The following CLUH variants were observed in gnomAD, a reference collection of about 807,000 sequenced individuals.
CLUH encodes the protein CLUH binding protein of NUMT mRNA.
A neutral mutation model predicts 139.3 loss-of-function variants in CLUH; 77 were observed. The observed-to-expected ratio is 0.55, with a 90% CI of 0.46 to 0.67. The LOEUF is 0.67. CLUH is among the 30% of genes least tolerant of loss of function. The pLI is 0.00. For missense variants in CLUH, 1,876 were observed against 1,875.8 expected (o/e 1.00, Z 0.00); for synonymous variants, 999 against 801.6 (o/e 1.25, Z -4.16).
rs773170523 is a variant in CLUH, at chr17:2,694,438, ACACAGCG to A, written c.2937+35_2937+41del. The stretch of plus-strand genomic sequence containing the variant: ...AGCCTGCAGCAGGGACGCAGCGGGG[ACACAGCG>A]GGGACACAGCGGGGATGCTGTGAGC... On this transcript the variant is annotated intron_variant, in intron 17 of 25. Coordinates refer to ENST00000651024, the MANE Select transcript of CLUH (RefSeq NM_001366661.1). 6.8e-4 allele frequency: 52 copies of A among 76,936 alleles called. No individual in the cohort carries two copies. The East Asian group carries it at 0.035, about 51-fold the overall frequency. The allele number at this position is 76,936 out of a possible 1,614,324, so 4.8% of individuals were successfully genotyped here.
At position 2,697,887 on chromosome 17, in the gene CLUH, G is replaced by T; in HGVS notation, c.1961+9C>A. On this transcript the variant is annotated intron_variant, in intron 10 of 25. Transcript: ENST00000651024. ...GCCCCGGCCCTGGTCCGGCAGGGCC[G>T]CCCCTCACCTGTGCTCCACGAAGGC... 2 of 1,472,446 alleles carry T rather than the reference G, an allele frequency of 1.4e-6. No individual in the cohort carries two copies. The highest frequency in any genetic ancestry group is 2.7e-5 in the South Asian group (2 of 73,252). 91.2% of individuals were successfully genotyped at this position (1,472,446 alleles called of 1,614,324 possible). A position where few individuals can be genotyped will look rare whatever the true frequency, so the allele number is the denominator to read the frequency against.
chr17:2,690,630 C>G lies in CLUH; in HGVS notation c.4011G>C (p.Pro1337=), dbSNP rs757507562. Residue 1337 remains proline, a synonymous_variant, in exon 26 of 26, where the codon CCG becomes CCC. Coordinates refer to ENST00000651024, the MANE Select transcript of CLUH (RefSeq NM_001366661.1). ...CGCTCGGAGAAGGGTCCTTGGCAGCCGGGGGCTGGGAGCCCAGGTCTCCTG... is the reference window on the plus strand; with the variant it reads ...CGCTCGGAGAAGGGTCCTTGGCAGCGGGGGGCTGGGAGCCCAGGTCTCCTG... ...GAPGDLGSQP[P]AAKDPSPSVQ... 6.6e-7 allele frequency: 1 copy of G among 1,506,850 alleles called. No individual in the cohort carries two copies. The highest frequency in any genetic ancestry group is 2.6e-5 in the East Asian group (1 of 38,578). The allele number at this position is 1,506,850 out of a possible 1,614,324, so 93.3% of individuals were successfully genotyped here.
At position 2,698,536 on chromosome 17, in the gene CLUH, C is replaced by G. The variant is rs1373639535; in HGVS notation, c.1321G>C (p.Gly441Arg). The G allele has an allele frequency of 6.2e-7, 1 of 1,611,782 alleles. No individual in the cohort carries two copies. The highest frequency in any genetic ancestry group is 8.5e-7 in the Non-Finnish European group (1 of 1,179,012). The change falls in exon 10 of 26, where the codon GGC becomes CGC. Residue 441 changes from glycine to arginine, a missense_variant. Transcript: ENST00000651024. ...ATRGAMAVID[G>R]NVMAINPSEE... is the part of the protein sequence containing the mutation. ...CTGGGGTTGATGGCCATCACGTTGC[C>G]GTCAATGACGGCCATGGCGCCCCTG...
rs775721496 is a variant in CLUH, at chr17:2,703,508, G to A, written c.304-19C>T. ...GGGACACCTGCAGGGAGAAGGCCCC[G>A]CCCACCCCGGTGAGAGAGCACGTAG... is the stretch of plus-strand genomic sequence containing the variant. On this transcript the variant is annotated intron_variant, in intron 2 of 25. Coordinates refer to ENST00000651024, the MANE Select transcript of CLUH (RefSeq NM_001366661.1). The surrounding 1 kb of genome is among the most constrained non-coding windows in gnomAD (Gnocchi z 4.2). 3.7e-5 allele frequency: 59 copies of A among 1,608,920 alleles called. No homozygotes were observed. The East Asian group carries it at 4.7e-4, about 13-fold the overall frequency.
chr17:2,702,606 C>A (rs900074385), intron 3 of CLUH, among the ~76,000 whole-genome samples: 2 of 152,182 alleles, frequency 1.3e-5, no homozygotes, highest in Admixed American at 6.5e-5. Flanking sequence ...TCTCAACAGG[C>A]GGACAGGCCC....
chr17:2,703,226 T>C lies in CLUH; in HGVS notation c.475+92A>G. 7.4e-7 allele frequency: 1 copy of C among 1,346,178 alleles called. No homozygotes were observed. The highest frequency in any genetic ancestry group is 1.0e-6 in the Non-Finnish European group (1 of 985,380). 83.4% of individuals were successfully genotyped at this position (1,346,178 alleles called of 1,614,324 possible). On this transcript the variant is annotated intron_variant, in intron 3 of 25. Coordinates refer to ENST00000651024, the MANE Select transcript of CLUH (RefSeq NM_001366661.1). The surrounding 1 kb of genome is among the most constrained non-coding windows in gnomAD (Gnocchi z 4.2). ...CTCCAATCCTGCCTCCATGAGCTCA[T>C]CCGTGACACAGGGACCCTGGCATGG...
In CLUH at chr17:2,707,398, A is replaced by G; in HGVS notation, c.101-2834T>C. 1 of 984,730 alleles carries G rather than the reference A, an allele frequency of 1.0e-6. No homozygotes were observed. The highest frequency in any genetic ancestry group is 1.2e-6 in the Non-Finnish European group (1 of 829,754). 61.0% of individuals were successfully genotyped at this position (984,730 alleles called of 1,614,324 possible). ...GCCATGGCAGCCCCAGGAAGGGCAC[A>G]CTCCCCCTGCCTGGCATCCCGCTCA... On this transcript the variant is annotated intron_variant, in intron 1 of 25. Transcript: ENST00000651024. This position sits in a 1 kb window ranked among gnomAD's most constrained non-coding sequence, Gnocchi z 7.4.
At position 2,692,677 on chromosome 17, in the gene CLUH, C is replaced by T. The variant is rs750299603; in HGVS notation, c.3332G>A (p.Cys1111Tyr). The change falls in exon 21 of 26, where the codon TGC (cysteine) becomes TAC (tyrosine). Residue 1111 changes from cysteine (C) to tyrosine (Y), a missense_variant. Transcript: ENST00000651024. ...IQEYMHLALY[C>Y]FASSQLSTAL... ...GGTGGACAGCTGGCTGCTGGCGAAG[C>T]AGTACAGGGCCAGGTGCATCTGCGG... The T allele has an allele frequency of 3.7e-6, 6 of 1,611,906 alleles. No homozygotes were observed. The Admixed American group carries it at 8.4e-5, about 22-fold the overall frequency.
intron 16 of CLUH, 35 bp downstream of exon 16, chr17:2,694,822 T>TTCCCCCCCCCCCC: frequency 3.7e-6 from 5 of 1,346,336 alleles, no homozygotes; most frequent in Non-Finnish European, 5.0e-6. Flanking sequence ...ATCTGCCCAA[T>TTCCCCCCCCCCCC]CCCACCCACC....
At position 2,707,950 on chromosome 17, in the gene CLUH, G is replaced by C; in HGVS notation, c.101-3386C>G. On this transcript the variant is annotated intron_variant, in intron 1 of 25. Transcript: ENST00000651024. The surrounding 1 kb of genome is among the most constrained non-coding windows in gnomAD (Gnocchi z 7.4). ...CTGCACCCGTGCCCCTGGCCTCCAG[G>C]CTCCATCAAGAAGCTGGCAGGCTCC... The C allele has an allele frequency of 1.0e-6, 1 of 985,414 alleles. No individual in the cohort carries two copies. Among genetic ancestry groups the C allele is most frequent in the Non-Finnish European group, 1.2e-6 (1 of 829,918 alleles). 61.0% of individuals were successfully genotyped at this position (985,414 alleles called of 1,614,324 possible). A position where few individuals can be genotyped will look rare whatever the true frequency, so the allele number is the denominator to read the frequency against.
chr17:2,691,114 C>T (rs1292237309), intron 25 of CLUH, among the ~76,000 whole-genome samples: 1 of 86,478 alleles, frequency 1.2e-5, no homozygotes, highest in Non-Finnish European at 2.4e-5. Context: ...CCGGGGAGCC[C>T]GGGGCCTGCT....
At position 2,695,114 on chromosome 17, in the gene CLUH, T is replaced by C; in HGVS notation, c.2608-13A>G. On this transcript the variant is annotated splice_polypyrimidine_tract_variant and intron_variant, in intron 15 of 25. Coordinates refer to ENST00000651024, the MANE Select transcript of CLUH (RefSeq NM_001366661.1). Reference sequence around the variant, plus strand: ...AGAGCTCGACTCCCTGCGAGGCAGGTTGGATCCGAGTCATGAGGGCCCTCA... The same window carrying C: ...AGAGCTCGACTCCCTGCGAGGCAGGCTGGATCCGAGTCATGAGGGCCCTCA... 6.2e-7 allele frequency: 1 copy of C among 1,612,370 alleles called. No individual in the cohort carries two copies. Among genetic ancestry groups the C allele is most frequent in the Non-Finnish European group, 8.5e-7 (1 of 1,179,032 alleles).
chr17:2,710,042 A>G (rs1271962926), intron 1 of CLUH, among the ~76,000 whole-genome samples: 1 of 148,634 alleles, frequency 6.7e-6, no homozygotes, highest in African/African-American at 2.5e-5. Flanking sequence ...TCAGCCCCCT[A>G]GTTCTCAGCA....
In CLUH at chr17:2,690,729, C is replaced by G. The variant is rs764923110; in HGVS notation, c.3912G>C (p.Gln1304His). The change falls in exon 26 of 26, where the codon CAG becomes CAC. Residue 1304 changes from glutamine to histidine, a missense_variant. Physicochemically the swap from Gln to His is conservative, Grantham distance 24. Around this residue, in one of 3 missense-constraint regions of CLUH, gnomAD observed 1,454 missense variants for 1,384.4 expected, o/e 1.05. Coordinates refer to ENST00000651024, the MANE Select transcript of CLUH (RefSeq NM_001366661.1). ...CCCTGTTTCTGCTGGCCTCCTGGAG[C>G]TGGTGCCGCCGCGCCACCTCGGCTT... ...NLKAEVARRH[Q>H]LQEASRNRDR... The G allele has an allele frequency of 5.8e-6, 9 of 1,555,798 alleles. No individual in the cohort carries two copies. The Admixed American group carries it at 1.9e-4, about 33-fold the overall frequency.
Position 2,691,862 on chromosome 17 carries a change from A to G in CLUH, c.3688T>C (p.Ser1230Pro). ...TGGGTCAGGCACTTGAGGTACTCGGAGCTTTCCTTGGTCTTCTCATGGTCC... is the reference window on the plus strand; with the variant it reads ...TGGGTCAGGCACTTGAGGTACTCGGGGCTTTCCTTGGTCTTCTCATGGTCC... ...GEDHEKTKES[S>P]EYLKCLTQQA... Residue 1230 changes from serine (S) to proline (P), a missense_variant, in exon 24 of 26, where the codon TCC (serine) becomes CCC (proline). Physicochemically the swap from Ser to Pro is moderately conservative, Grantham distance 74 (BLOSUM62 -1). Coordinates refer to ENST00000651024, the MANE Select transcript of CLUH (RefSeq NM_001366661.1). 1 of 1,546,792 alleles carries G rather than the reference A, an allele frequency of 6.5e-7. No homozygotes were observed. The highest frequency in any genetic ancestry group is 8.7e-7 in the Non-Finnish European group (1 of 1,147,396).
chr17:2,696,627 G>A, intron 11 of CLUH, 89 bp from the exon 12 acceptor site: 3 of 1,547,994 alleles, frequency 1.9e-6, no homozygotes, highest in Admixed American at 1.8e-5. Context: ...GCTCCTTGCA[G>A]AGATGTCTGC....
chr17:2,701,154 C>T lies in CLUH; in HGVS notation c.1011G>A (p.Val337=). 6.2e-7 allele frequency: 1 copy of T among 1,613,964 alleles called. No individual in the cohort carries two copies. The highest frequency in any genetic ancestry group is 8.5e-7 in the Non-Finnish European group (1 of 1,179,890). Residue 337 remains valine (V), a synonymous_variant, in exon 7 of 26, where the codon GTG becomes GTA. Coordinates refer to ENST00000651024, the MANE Select transcript of CLUH (RefSeq NM_001366661.1). ...ISPTFKKNFA[V]LQKKRVQRHP... ...AAAGGCACTACCTTTTCTTCTGCAG[C>T]ACAGCGAAGTTCTTCTTGAAGGTCG...
chr17:2,697,056 T>C (rs910493555), intron 10 of CLUH, 114 bp from the exon 11 acceptor site: 1 of 773,098 alleles, frequency 1.3e-6, no homozygotes. Context: ...GGGCACCTCC[T>C]GGCCGGTGTG....
In CLUH at chr17:2,690,675, C is replaced by A; in HGVS notation, c.3966G>T (p.Glu1322Asp). The A allele has an allele frequency of 6.4e-7, 1 of 1,561,176 alleles. No homozygotes were observed. The highest frequency in any genetic ancestry group is 2.1e-5 in the Admixed American group (1 of 48,262). ...RDRAEEPMAT[E>D]PAPAGAPGDL... The stretch of plus-strand genomic sequence containing the variant: ...CTCCTGGGGCCCCCGCTGGCGCGGG[C>A]TCGGTAGCCATGGGCTCCTCGGCTC... The change falls in exon 26 of 26, where the codon GAG becomes GAT. Residue 1322 changes from glutamate (E) to aspartate (D), a missense_variant. Physicochemically the swap from Glu to Asp is conservative, Grantham distance 45 (BLOSUM62 2). Around this residue, in one of 3 missense-constraint regions of CLUH, gnomAD observed 1,454 missense variants for 1,384.4 expected, o/e 1.05. Coordinates refer to ENST00000651024, the MANE Select transcript of CLUH (RefSeq NM_001366661.1).
Sources: gnomAD v4.1 joint callset for allele counts (sites outside exome capture counted in the v4.1 genomes callset) on GRCh38, gnomAD v4.1.1 for gene constraint, gnomAD v4.1.1 regional missense constraint, Gnocchi (gnomAD v3.1) non-coding constraint, MANE v1.5 for transcripts, NCBI Gene and HGNC (gene_info 2026-07-23, HGNC 2026-07-21) for gene names.